The following GCNT1 variants were observed in gnomAD, a reference collection of about 807,000 sequenced individuals.
GCNT1 encodes glucosaminyl (N-acetyl) transferase 1, also known as beta-1,3-galactosyl-O-glycosyl-glycoprotein beta-1,6-N-acetylglucosaminyltransferase.
Under a neutral mutation model 26.2 loss-of-function variants are expected in GCNT1, and 16 were observed. The observed-to-expected ratio is 0.61, with a 90% CI of 0.41 to 0.93. GCNT1 has a LOEUF of 0.93. Among genes scored for constraint, GCNT1 ranks in the 40% least tolerant of loss-of-function variants. The pLI, the probability that GCNT1 is intolerant of heterozygous loss-of-function variation, is 0.00. For synonymous variants in GCNT1, 183 were observed against 190.8 expected, an observed-to-expected ratio of 0.96 and a Z score of 0.34; for missense variants, 477 against 526.7, an observed-to-expected ratio of 0.91 and a Z score of 0.92.
the GCNT1 span, among the ~76,000 whole-genome samples, chr9:76,396,699 G>A: frequency 6.6e-6 from 1 of 151,764 alleles, no homozygotes; most frequent in Non-Finnish European, 1.5e-5. Context: ...AAAATTAGCC[G>A]GGAGTGGTGG....
exon 1 of GCNT1, chr9:76,442,260 T>C (rs1010031657): frequency 1.6e-4 from 25 of 152,266 alleles, no homozygotes; most frequent in Admixed American, 4.6e-4. Context: ...ACGGTTCTGC[T>C]GACACCTCGA....
At chr9:76,404,346 C>T in the GCNT1 span, among the ~76,000 whole-genome samples, 3 of 151,744 alleles carry the variant, frequency 2.0e-5, no homozygotes, top group African/African-American at 7.3e-5. Context: ...GTCTAATCTG[C>T]TGATGTGTCA....
intron 2 of GCNT1, among the ~76,000 whole-genome samples, chr9:76,477,767 C>A (rs144813551): frequency 1.3e-5 from 2 of 152,306 alleles, no homozygotes; most frequent in East Asian, 3.9e-4. Context: ...AAACTGTACT[C>A]ATGAAAACAG....
the GCNT1 span, among the ~76,000 whole-genome samples, chr9:76,401,510 A>C: frequency 6.6e-6 from 1 of 152,242 alleles, no homozygotes; most frequent in Non-Finnish European, 1.5e-5. Context: ...AAATTTACTC[A>C]ATAAGAACAC....
At chr9:76,445,276 T>C (rs1250559275) in intron 1 of GCNT1, among the ~76,000 whole-genome samples, 1 of 152,186 alleles carries the variant, frequency 6.6e-6, no homozygotes, top group Non-Finnish European at 1.5e-5. Context: ...GGGTTGGCTT[T>C]ACTAGGAATA....
chr9:76,402,129 C>G, the GCNT1 span, among the ~76,000 whole-genome samples: 1 of 152,144 alleles, frequency 6.6e-6, no homozygotes, highest in African/African-American at 2.4e-5. Context: ...AGAAGGGCAC[C>G]TTTGTCTTTG....
At chr9:76,459,464 G>C (rs1440890852) in intron 1 of GCNT1, among the ~76,000 whole-genome samples, 159 bp downstream of exon 1, 1 of 152,218 alleles carries the variant, frequency 6.6e-6, no homozygotes, top group Admixed American at 6.5e-5. Context: ...GGTGCGCCCG[G>C]GACCGGAATG....
At chr9:76,470,566 C>A (rs1028569191) in intron 2 of GCNT1, among the ~76,000 whole-genome samples, 3 of 143,690 alleles carry the variant, frequency 2.1e-5, no homozygotes, top group Non-Finnish European at 3.0e-5. Flanking sequence ...ATTGGGCCAC[C>A]ACATTCAAGC....
intron 2 of GCNT1, among the ~76,000 whole-genome samples, chr9:76,488,754 G>C (rs1824649780): frequency 6.6e-6 from 1 of 152,186 alleles, no homozygotes; most frequent in African/African-American, 2.4e-5. Flanking sequence ...AAAGTTCTGG[G>C]ATTACAGGCC....
intron 1 of GCNT1, among the ~76,000 whole-genome samples, chr9:76,446,187 A>T (rs1263021107): frequency 6.6e-6 from 1 of 152,086 alleles, no homozygotes; most frequent in Non-Finnish European, 1.5e-5. Context: ...ACCCTGGGAA[A>T]CTGACCTTCA....
At chr9:76,441,382 G>A (rs1202632516), upstream of GCNT1, among the ~76,000 whole-genome samples, 1 of 152,078 alleles carries the variant, frequency 6.6e-6, no homozygotes, top group Non-Finnish European at 1.5e-5. Flanking sequence ...CTGACTTCAG[G>A]TGATCTGCCT....
At chr9:76,454,122 T>C (rs1043313605) in intron 1 of GCNT1, among the ~76,000 whole-genome samples, 2 of 152,054 alleles carry the variant, frequency 1.3e-5, no homozygotes, top group Non-Finnish European at 2.9e-5. Flanking sequence ...GGCTCATGCC[T>C]GTAATCCCAG....
intron 2 of GCNT1, among the ~76,000 whole-genome samples, chr9:76,463,040 G>T (rs531334165): frequency 6.6e-6 from 1 of 152,108 alleles, no homozygotes; most frequent in Non-Finnish European, 1.5e-5. Context: ...GAAAAATCTC[G>T]ACTTTCTCAA....
Position 76,502,891 on chromosome 9 carries a change from T to C in GCNT1, c.510T>C (p.Ala170=). ...ATTTAGCTGCAGTGATGGGCATCGC[T>C]TCCTGTTTTAGTAATGTCTTTGTGG... ...DSYLAAVMGI[A]SCFSNVFVAS... The change falls in exon 4 of 4, where the codon GCT becomes GCC. Residue 170 remains alanine (A), a synonymous_variant. Transcript: ENST00000376730. 1 of 1,614,010 alleles carries C rather than the reference T, an allele frequency of 6.2e-7. No individual in the cohort carries two copies. The highest frequency in any genetic ancestry group is 1.1e-5 in the South Asian group (1 of 91,086).
intron 2 of GCNT1, among the ~76,000 whole-genome samples, chr9:76,489,767 C>T (rs1824679501): frequency 6.6e-6 from 1 of 152,164 alleles, no homozygotes; most frequent in Admixed American, 6.5e-5. Flanking sequence ...CAGGACACCC[C>T]AACTGCTGTT....
chr9:76,492,419 A>G (rs1458954241), intron 2 of GCNT1, among the ~76,000 whole-genome samples: 1 of 152,052 alleles, frequency 6.6e-6, no homozygotes, highest in African/African-American at 2.4e-5. Flanking sequence ...CCATCCCAGG[A>G]TTCCTCAGAT....
intron 1 of GCNT1, among the ~76,000 whole-genome samples, chr9:76,448,467 G>A (rs1823612595): frequency 6.6e-6 from 1 of 151,878 alleles, no homozygotes; most frequent in African/African-American, 2.4e-5. Flanking sequence ...AACAACAGCA[G>A]CAAAAAAATC....
intron 2 of GCNT1, among the ~76,000 whole-genome samples, chr9:76,460,986 T>C (rs1340280590): frequency 2.0e-5 from 3 of 152,204 alleles, no homozygotes; most frequent in East Asian, 1.9e-4. Context: ...CCGTTTGTAA[T>C]TGAATTGCTT....
chr9:76,431,813 C>T (rs1157195068), intron 1 of GCNT1, among the ~76,000 whole-genome samples: 1 of 152,130 alleles, frequency 6.6e-6, no homozygotes, highest in Non-Finnish European at 1.5e-5. Context: ...GACTCCTATC[C>T]CTTAAGAAAT....
Sources: allele counts gnomAD v4.1 joint callset (sites outside exome capture counted in the v4.1 genomes callset), GRCh38; gene constraint gnomAD v4.1.1; transcripts MANE v1.5; gene names NCBI Gene and HGNC (gene_info 2026-07-23, HGNC 2026-07-21).